Variants in GSDMC observed in about 807,000 individuals in gnomAD.
GSDMC encodes the protein gasdermin C.
In GSDMC, 59 loss-of-function variants were observed where a neutral mutation model predicts 58.0. That is an observed-to-expected ratio of 1.02 (90% confidence interval 0.82 to 1.26). The LOEUF is 1.26. Ranked by LOEUF, GSDMC falls within the 50% of genes most tolerant of loss-of-function variation. The probability of loss-of-function intolerance (pLI) is 0.00; values close to 1 mark genes in which losing one functional copy is unlikely to be tolerated. For missense variants in GSDMC, 659 were observed against 598.5 expected (o/e 1.10, Z -1.06); for synonymous variants, 241 against 220.2 (o/e 1.09, Z -0.83).
At chr8:129,723,419 C>CTTTTTTTTTTTT in the GSDMC span, among the ~76,000 whole-genome samples, 1 of 133,382 alleles carries the variant, frequency 7.5e-6, no homozygotes, top group Non-Finnish European at 1.6e-5. Flanking sequence ...TTTTCTTCTC[C>CTTTTTTTTTTTT]TTTTTTTTTT....
chr8:129,743,237 T>G (rs1271461071), downstream of GSDMC, among the ~76,000 whole-genome samples: 4 of 152,226 alleles, frequency 2.6e-5, no homozygotes, highest in Admixed American at 2.6e-4. Flanking sequence ...CAATTACATG[T>G]GTTATATCGT....
intron 1 of GSDMC, among the ~76,000 whole-genome samples, chr8:129,778,875 T>C (rs2034326671): frequency 6.6e-6 from 1 of 150,936 alleles, no homozygotes; most frequent in African/African-American, 2.4e-5. Flanking sequence ...ACACCACTGA[T>C]CATTAGAGAA....
In GSDMC at chr8:129,776,131, T is replaced by C; in HGVS notation, c.375A>G (p.Pro125=). The change falls in exon 3 of 14, where the codon CCA becomes CCG. Residue 125 remains proline, a synonymous_variant. Transcript: ENST00000276708. The part of the protein sequence containing the change: ...CSLEFQIVTI[P]SPNLEDFQKR... ...TTTGAAAGTCTTCCAGGTTTGGTGA[T>C]GGGATGGTAACAATTTGAAACTCGA... is the stretch of plus-strand genomic sequence containing the variant. 1 of 1,613,894 alleles carries C rather than the reference T, an allele frequency of 6.2e-7. No homozygotes were observed. The highest frequency in any genetic ancestry group is 8.5e-7 in the Non-Finnish European group (1 of 1,179,882).
At chr8:129,729,389 C>A in the GSDMC span, 1 of 400,464 alleles carries the variant, frequency 2.5e-6, no homozygotes, top group African/African-American at 2.1e-5. Context: ...CAGACATGTG[C>A]CATGTTGGTG....
the GSDMC span, among the ~76,000 whole-genome samples, chr8:129,725,514 A>G: frequency 6.6e-6 from 1 of 152,198 alleles, no homozygotes; most frequent in African/African-American, 2.4e-5. Context: ...TCGATTGCCC[A>G]AGATCTAAAA....
rs1480457639 is a variant in GSDMC, at chr8:129,765,792, T to A, written c.406A>T (p.Lys136Ter). ...AATGATGGCTCTGGATCCAACAGTT[T>A]CCTGGGGATTTAAGGAAGGAGGACA... ...SPNLEDFQKRKLLDPEPSFLK... is the reference protein window; with the variant it reads ...SPNLEDFQKR The change falls in exon 4 of 14, where the codon AAA (lysine) becomes TAA (stop). Residue 136 changes from lysine (K) to a stop codon, truncating the protein, a stop_gained and splice_region_variant. Transcript: ENST00000276708. LOFTEE classifies it high-confidence loss of function. 1.9e-6 allele frequency: 3 copies of A among 1,612,762 alleles called. No homozygotes were observed. Among genetic ancestry groups the A allele is most frequent in the Non-Finnish European group, 2.5e-6 (3 of 1,179,432 alleles).
At chr8:129,729,208 G>T in the GSDMC span, 12 of 648,172 alleles carry the variant, frequency 1.9e-5, no homozygotes, top group South Asian at 1.8e-4. Context: ...TTAAAAGATG[G>T]CATTTTGAGA....
chr8:129,740,329 T>A, the GSDMC span, among the ~76,000 whole-genome samples: 1 of 152,238 alleles, frequency 6.6e-6, no homozygotes. Flanking sequence ...CTAGGCCCTC[T>A]CATTCACTCA....
intron 5 of GSDMC, among the ~76,000 whole-genome samples, chr8:129,761,095 G>A (rs1277959475): frequency 6.6e-6 from 1 of 152,206 alleles, no homozygotes; most frequent in Admixed American, 6.5e-5. Flanking sequence ...AGCAGTGACT[G>A]CAAGTCATGT....
the GSDMC span, among the ~76,000 whole-genome samples, chr8:129,739,389 A>T: frequency 2.0e-5 from 3 of 152,218 alleles, no homozygotes; most frequent in Non-Finnish European, 4.4e-5. Flanking sequence ...GTAGAAAAAA[A>T]TGCAGAAAAG....
chr8:129,757,405 A>G (rs2033483425), intron 6 of GSDMC, among the ~76,000 whole-genome samples: 1 of 152,126 alleles, frequency 6.6e-6, no homozygotes, highest in Non-Finnish European at 1.5e-5. Flanking sequence ...AGAAGCTGTA[A>G]TAAAAAGTCT....
chr8:129,768,916 C>CA (rs1458213983), intron 3 of GSDMC, among the ~76,000 whole-genome samples: 3 of 151,976 alleles, frequency 2.0e-5, no homozygotes, highest in African/African-American at 7.3e-5. Flanking sequence ...CACATCTCTC[C>CA]AAAAAATAAA....
downstream of GSDMC, among the ~76,000 whole-genome samples, chr8:129,746,847 C>T (rs888633411): frequency 6.6e-6 from 1 of 152,084 alleles, no homozygotes; most frequent in African/African-American, 2.4e-5. Flanking sequence ...AGGCAAGAGG[C>T]AAAGTTTCTC....
At chr8:129,726,035 T>G in the GSDMC span, among the ~76,000 whole-genome samples, 1 of 152,232 alleles carries the variant, frequency 6.6e-6, no homozygotes, top group African/African-American at 2.4e-5. Context: ...AATATTCCTC[T>G]GCTTATGGAA....
At chr8:129,730,179 G>A in the GSDMC span, 5 of 1,163,224 alleles carry the variant, frequency 4.3e-6, no homozygotes, top group African/African-American at 7.7e-5. Flanking sequence ...AAAGTTATGT[G>A]TAAAACTGTA....
chr8:129,714,140 TC>T, the GSDMC span, among the ~76,000 whole-genome samples: 1 of 152,076 alleles, frequency 6.6e-6, no homozygotes, highest in African/African-American at 2.4e-5. Context: ...TCACAACCCT[TC>T]CATTTTACAT....
intron 12 of GSDMC, 32 bp from the exon 13 acceptor site, chr8:129,749,557 T>C: frequency 6.5e-7 from 1 of 1,539,076 alleles, no homozygotes; most frequent in Non-Finnish European, 9.0e-7. Context: ...GGAAAGACAG[T>C]AGTGAAGAAT....
At chr8:129,762,827 C>T (rs566853536) in intron 4 of GSDMC, 96 bp from the exon 5 acceptor site, 1 of 765,512 alleles carries the variant, frequency 1.3e-6, no homozygotes, top group Non-Finnish European at 2.3e-6. Context: ...TCAGCATTCC[C>T]TGCTCTCATC....
chr8:129,767,437 G>A (rs2033899301), intron 3 of GSDMC, among the ~76,000 whole-genome samples: 1 of 151,846 alleles, frequency 6.6e-6, no homozygotes, highest in African/African-American at 2.4e-5. Context: ...TGGTGACTCT[G>A]CCTAACTGTG....
Sources: gnomAD v4.1 joint callset for allele counts (sites outside exome capture counted in the v4.1 genomes callset) on GRCh38, gnomAD v4.1.1 for gene constraint, MANE v1.5 for transcripts, NCBI Gene and HGNC (gene_info 2026-07-23, HGNC 2026-07-21) for gene names.